PIGN: variants seen among roughly 807,000 people sequenced by gnomAD.
The protein encoded by PIGN is GPI ethanolamine phosphate transferase 1.
In PIGN, 117 loss-of-function variants were observed where a neutral mutation model predicts 125.4. The observed-to-expected ratio is 0.93, with a 90% CI of 0.80 to 1.09. The LOEUF is 1.09. Ranked by LOEUF, PIGN falls within the 50% of genes least tolerant of loss-of-function variation. The pLI is 0.00. For synonymous variants in PIGN, 392 were observed against 377.8 expected (o/e 1.04, Z -0.44); for missense variants, 1,075 against 1,094.9 (o/e 0.98, Z 0.26).
intron 30 of PIGN, among the ~76,000 whole-genome samples, chr18:62,062,733 T>A (rs751222893): frequency 1.3e-5 from 2 of 152,066 alleles, no homozygotes; most frequent in African/African-American, 4.8e-5. Flanking sequence ...ACATAAATCA[T>A]TGAAACATAA....
chr18:62,127,254 T>C (rs1363787163), intron 14 of PIGN, among the ~76,000 whole-genome samples: 2 of 152,178 alleles, frequency 1.3e-5, no homozygotes, highest in Non-Finnish European at 2.9e-5. Context: ...AATTTCCATT[T>C]ACATCTAACC....
At position 62,113,118 on chromosome 18, in the gene PIGN, C is replaced by T. The variant is rs1172243804; in HGVS notation, c.1434+16G>A. 1 of 1,582,826 alleles carries T rather than the reference C, an allele frequency of 6.3e-7. No homozygotes were observed. Among genetic ancestry groups the T allele is most frequent in the Non-Finnish European group, 8.6e-7 (1 of 1,160,728 alleles). ...TTTTATACCATCATCTGAATCCTCA[C>T]ATTTTCTAAACGTACCTTCACTTCT... On this transcript the variant is annotated intron_variant, in intron 16 of 30. Coordinates refer to ENST00000640252, the MANE Select transcript of PIGN (RefSeq NM_176787.5).
At chr18:62,086,329 C>T (rs2033699176) in intron 25 of PIGN, among the ~76,000 whole-genome samples, 1 of 152,118 alleles carries the variant, frequency 6.6e-6, no homozygotes, top group Admixed American at 6.5e-5. Flanking sequence ...AATAAAAAGC[C>T]TGAACTGGGC....
intron 23 of PIGN, among the ~76,000 whole-genome samples, chr18:62,019,052 T>C (rs751102697): frequency 6.6e-6 from 1 of 152,016 alleles, no homozygotes; most frequent in Non-Finnish European, 1.5e-5. Flanking sequence ...TACTGAAAAT[T>C]AAAAAACTTA....
At chr18:62,071,863 C>CATATATATATATATATGT (rs2032871928) in intron 30 of PIGN, among the ~76,000 whole-genome samples, 1 of 77,618 alleles carries the variant, frequency 1.3e-5, no homozygotes, top group African/African-American at 4.6e-5. Context: ...ACTCCTTTTC[C>CATATATATATATATATGT]ATATATATAT....
chr18:62,031,616 T>C (rs2030193221), intron 23 of PIGN, among the ~76,000 whole-genome samples: 1 of 152,070 alleles, frequency 6.6e-6, no homozygotes, highest in African/African-American at 2.4e-5. Flanking sequence ...TCAGGGACCA[T>C]CCTCCCCAAA....
chr18:62,049,599 G>A (rs1260836465), intron 30 of PIGN, among the ~76,000 whole-genome samples: 1 of 148,390 alleles, frequency 6.7e-6, no homozygotes, highest in Non-Finnish European at 1.5e-5. Flanking sequence ...CTGGATATTA[G>A]CCCTTTGTCA....
At chr18:62,033,980 C>T (rs2030227293) in intron 23 of PIGN, among the ~76,000 whole-genome samples, 1 of 152,158 alleles carries the variant, frequency 6.6e-6, no homozygotes, top group Non-Finnish European at 1.5e-5. Flanking sequence ...TGTCTAAGGT[C>T]ACACAACTAA....
chr18:62,130,521 ACATGT>A (rs72131911), intron 14 of PIGN, among the ~76,000 whole-genome samples: 14,167 of 149,518 alleles, frequency 0.095, 954 homozygotes, highest in East Asian at 0.24. Context: ...GAATCTATAA[ACATGT>A]CATGTTTAAG....
chr18:62,173,895 A>T (rs1322694356), intron 1 of PIGN, among the ~76,000 whole-genome samples: 1 of 152,192 alleles, frequency 6.6e-6, no homozygotes, highest in Non-Finnish European at 1.5e-5. Context: ...AAAGCTAAAA[A>T]GCCTTCCATA....
intron 16 of PIGN, 63 bp downstream of exon 16, chr18:62,113,071 A>G (rs1248646119): frequency 2.4e-6 from 3 of 1,240,812 alleles, no homozygotes; most frequent in Non-Finnish European, 3.4e-6. Context: ...TAAACTCATT[A>G]CACTGGATTC....
rs545600957 is a variant in PIGN, at chr18:62,074,821, G to C, written c.2577C>G (p.Ser859Arg). The stretch of plus-strand genomic sequence containing the variant: ...ATATGACGAGAACAATGAGAAAAAG[G>C]CTGGAAAAAAAAAGAAGGAAAAATT... ...VQLTTQLSSK[S>R]LFLIVLVISD... Residue 859 changes from serine to arginine, a missense_variant and splice_region_variant, in exon 29 of 31, where the codon AGC (serine) becomes AGG (arginine). By Grantham distance (110) the Ser-to-Arg change is moderately radical (BLOSUM62 -1). Transcript: ENST00000640252. 6.2e-7 allele frequency: 1 copy of C among 1,602,574 alleles called. No homozygotes were observed. The highest frequency in any genetic ancestry group is 1.3e-5 in the African/African-American group (1 of 74,678).
At position 62,086,611 on chromosome 18, in the gene PIGN, G is replaced by GTT. The variant is rs34619080; in HGVS notation, c.2371-1349_2371-1348dup. Among the ~76,000 whole-genome samples the GTT allele has an allele frequency of 8.6e-4, 92 of 106,802 alleles. 1 individual carries two copies. Among genetic ancestry groups the GTT allele is most frequent in the Admixed American group, 1.2e-3 (14 of 11,338 alleles). 70.1% of individuals were successfully genotyped at this position (106,802 alleles called of 152,430 possible). A position where few individuals can be genotyped will look rare whatever the true frequency, so the allele number is the denominator to read the frequency against. On this transcript the variant is annotated intron_variant, in intron 25 of 30. Coordinates refer to ENST00000640252, the MANE Select transcript of PIGN (RefSeq NM_176787.5). ...CAGCCTAGTGACAGAGTAAGACTCC[G>GTT]TTTTTTGTTTTTTTTTTTTTTTTAA...
At chr18:62,185,712 G>T (rs189283040) in intron 1 of PIGN, among the ~76,000 whole-genome samples, 112 of 32,498 alleles carry the variant, frequency 3.4e-3, no homozygotes, top group Admixed American at 0.022. Flanking sequence ...GTGGTCATTT[G>T]TGTGTGAAAA....
chr18:62,157,128 C>T lies in PIGN; in HGVS notation c.442+1G>A. ...GAGGAAACATAATCAGTGACTCTTA[C>T]CTTTGGCAAACATAGGCAGGATATC... On this transcript the variant is annotated splice_donor_variant, in intron 6 of 30. Coordinates refer to ENST00000640252, the MANE Select transcript of PIGN (RefSeq NM_176787.5). LOFTEE classifies it high-confidence loss of function. 6.4e-7 allele frequency: 1 copy of T among 1,555,854 alleles called. No individual in the cohort carries two copies. The highest frequency in any genetic ancestry group is 2.3e-5 in the East Asian group (1 of 44,378).
rs117448453 is a variant in PIGN at position 62,070,140 on chromosome 18, C to T, written c.2672+2533G>A. 2.8e-3 allele frequency: 948 copies of T among 344,132 alleles called. 22 individuals carry two copies. In the East Asian group the frequency reaches 0.032, roughly 12 times the overall value. The allele number at this position is 344,132 out of a possible 1,614,324, so 21.3% of individuals were successfully genotyped here. ...ATATAAATTAATTCATTCAAAATGA[C>T]TACAAGAGAAACGGGGGGCTTAGAG... On this transcript the variant is annotated intron_variant, in intron 30 of 30. Coordinates refer to ENST00000640252, the MANE Select transcript of PIGN (RefSeq NM_176787.5).
intron 22 of PIGN, among the ~76,000 whole-genome samples, chr18:62,098,334 T>A (rs2034295398): frequency 6.6e-6 from 1 of 152,238 alleles, no homozygotes; most frequent in Non-Finnish European, 1.5e-5. Context: ...CCAATCATAA[T>A]AAACTGATAC....
intron 15 of PIGN, 38 bp from the exon 16 acceptor site, chr18:62,113,354 T>C: frequency 6.8e-7 from 1 of 1,476,820 alleles, no homozygotes; most frequent in African/African-American, 1.4e-5. Context: ...CTAACAGAAA[T>C]AATAAGAAAA....
chr18:62,122,868 T>C (rs888423548), intron 14 of PIGN, among the ~76,000 whole-genome samples: 12 of 152,200 alleles, frequency 7.9e-5, no homozygotes, highest in Admixed American at 6.5e-4. Flanking sequence ...TAATATAGTA[T>C]AATAATGATA....
Sources: allele counts gnomAD v4.1 joint callset (sites outside exome capture counted in the v4.1 genomes callset), GRCh38; gene constraint gnomAD v4.1.1; transcripts MANE v1.5; gene names NCBI Gene and HGNC (gene_info 2026-07-23, HGNC 2026-07-21).